Variants in GSK3B observed in about 807,000 individuals in gnomAD.
GSK3B encodes glycogen synthase kinase 3 beta, also known as glycogen synthase kinase-3 beta.
GSK3B carries 15 observed loss-of-function variants against 56.4 expected under a neutral mutation model. The observed-to-expected ratio is 0.27, with a 90% CI of 0.18 to 0.41. The LOEUF is 0.41. Among genes scored for constraint, GSK3B ranks in the 10% least tolerant of loss-of-function variants. The pLI is 1.00. For missense variants in GSK3B, 300 were observed against 513.4 expected (o/e 0.58, Z 4.02); for synonymous variants, 181 against 188.9 (o/e 0.96, Z 0.34).
At position 119,962,390 on chromosome 3, in the gene GSK3B, AC is replaced by A. The variant is rs1330384929; in HGVS notation, c.283-15040del. 4.7e-3 allele frequency among the ~76,000 whole-genome samples: 641 copies of A among 137,762 alleles called. 2 individuals are homozygous for A. The highest frequency in any genetic ancestry group is 0.013 in the African/African-American group (467 of 36,582). The allele number at this position is 137,762 out of a possible 152,430, so 90.4% of individuals were successfully genotyped here. A position where few individuals can be genotyped will look rare whatever the true frequency, so the allele number is the denominator to read the frequency against. On this transcript the variant is annotated intron_variant, in intron 2 of 10. Coordinates refer to ENST00000264235, the MANE Select transcript of GSK3B (RefSeq NM_001146156.2). ...AACTCTGTCTCAAAAAAAAAAAAAA[AC>A]AAAAACAAAAAAACAAAAAAAGCCT...
intron 1 of GSK3B, among the ~76,000 whole-genome samples, chr3:120,022,541 C>T (rs2057888475): frequency 6.6e-6 from 1 of 152,102 alleles, no homozygotes; most frequent in Non-Finnish European, 1.5e-5. Flanking sequence ...TTGCTTAACA[C>T]CTCCCAATCC....
chr3:119,902,460 G>C (rs2056634485), intron 7 of GSK3B, among the ~76,000 whole-genome samples: 1 of 152,080 alleles, frequency 6.6e-6, no homozygotes, highest in South Asian at 2.1e-4. Flanking sequence ...GAGTGCAGTG[G>C]TACTTGGCTT....
chr3:119,831,386 G>T (rs947453244), intron 10 of GSK3B, among the ~76,000 whole-genome samples: 1 of 152,070 alleles, frequency 6.6e-6, no homozygotes, highest in Non-Finnish European at 1.5e-5. Context: ...GGCCGGGCGC[G>T]GTGGCTCATG....
At chr3:119,842,950 C>G (rs1306568738) in intron 10 of GSK3B, among the ~76,000 whole-genome samples, 1 of 151,538 alleles carries the variant, frequency 6.6e-6, no homozygotes, top group East Asian at 1.9e-4. Flanking sequence ...GAGTCTTGCT[C>G]TGTTGCCCAG....
rs1160252679 is a variant in GSK3B, at chr3:119,928,612, T to TAA, written c.367-5131_367-5130dup. Among the ~76,000 whole-genome samples, 344 of 67,014 alleles carry TAA rather than the reference T, an allele frequency of 5.1e-3. 3 individuals are homozygous for TAA. The highest frequency in any genetic ancestry group is 7.7e-3 in the Non-Finnish European group (255 of 32,910). The allele number at this position is 67,014 out of a possible 152,430, so 44.0% of individuals were successfully genotyped here. On this transcript the variant is annotated intron_variant, in intron 3 of 10. Coordinates refer to ENST00000264235, the MANE Select transcript of GSK3B (RefSeq NM_001146156.2). ...AGAGCGAGACTCCATATCAAAAAAA[T>TAA]AAAAAAAAAAAAAAAAAAAAAAAGA...
At chr3:120,004,606 C>T (rs1257618609) in intron 1 of GSK3B, among the ~76,000 whole-genome samples, 3 of 152,158 alleles carry the variant, frequency 2.0e-5, no homozygotes, top group Non-Finnish European at 2.9e-5. Context: ...GTTCTGCAGC[C>T]TCCTCTGGTG....
chr3:119,882,687 C>T (rs2056392993), intron 7 of GSK3B, among the ~76,000 whole-genome samples: 1 of 152,108 alleles, frequency 6.6e-6, no homozygotes, highest in Non-Finnish European at 1.5e-5. Flanking sequence ...AAAATCTTTA[C>T]CACAATGGGA....
At chr3:120,004,320 T>G (rs1353414684) in intron 1 of GSK3B, among the ~76,000 whole-genome samples, 1 of 152,150 alleles carries the variant, frequency 6.6e-6, no homozygotes, top group East Asian at 1.9e-4. Flanking sequence ...CTCTCTAGAT[T>G]CCACCTCTGG....
intron 3 of GSK3B, among the ~76,000 whole-genome samples, chr3:119,930,342 C>T (rs1051033379): frequency 4.0e-5 from 6 of 151,756 alleles, no homozygotes; most frequent in Admixed American, 1.3e-4. Context: ...AATTGTGTAA[C>T]GCAATAAGGG....
chr3:120,073,696 C>T (rs1465894767), intron 1 of GSK3B, among the ~76,000 whole-genome samples: 1 of 152,124 alleles, frequency 6.6e-6, no homozygotes, highest in Non-Finnish European at 1.5e-5. Flanking sequence ...TTATAAAGGC[C>T]ATACAGTGGA....
intron 2 of GSK3B, among the ~76,000 whole-genome samples, chr3:119,971,601 ATTTTTTTT>A (rs751790636): frequency 0.02 from 1,649 of 83,826 alleles, 22 homozygotes; most frequent in African/African-American, 0.084. Flanking sequence ...ATTTGCAATA[ATTTTTTTT>A]TTTTTTTTTT....
At chr3:119,969,075 T>A (rs1332647883) in intron 2 of GSK3B, among the ~76,000 whole-genome samples, 1 of 152,036 alleles carries the variant, frequency 6.6e-6, no homozygotes, top group African/African-American at 2.4e-5. Flanking sequence ...GTGGATCACC[T>A]GAGGTCAGGA....
At chr3:119,898,955 A>C (rs532259649) in intron 7 of GSK3B, among the ~76,000 whole-genome samples, 1 of 152,276 alleles carries the variant, frequency 6.6e-6, no homozygotes, top group African/African-American at 2.4e-5. Flanking sequence ...GTGAGATGAT[A>C]AAATGCCTAT....
chr3:120,010,691 GCCT>G, intron 1 of GSK3B, among the ~76,000 whole-genome samples: 1 of 152,274 alleles, frequency 6.6e-6, no homozygotes, highest in African/African-American at 2.4e-5. Context: ...GGTGGCACAT[GCCT>G]GTAAGTGAGC....
intron 3 of GSK3B, among the ~76,000 whole-genome samples, chr3:119,945,015 T>A (rs771433523): frequency 1.6e-4 from 25 of 152,148 alleles, no homozygotes; most frequent in Admixed American, 2.6e-4. Context: ...AAAGAATCCA[T>A]CTTCTCCTAT....
At chr3:119,869,381 C>T (rs929098223) in intron 8 of GSK3B, among the ~76,000 whole-genome samples, 3 of 152,138 alleles carry the variant, frequency 2.0e-5, no homozygotes, top group Admixed American at 6.5e-5. Context: ...CTTTCAGAGT[C>T]CTCCTCCCAA....
intron 3 of GSK3B, among the ~76,000 whole-genome samples, chr3:119,945,699 G>A (rs2057093546): frequency 1.3e-5 from 2 of 152,130 alleles, no homozygotes; most frequent in Admixed American, 1.3e-4. Context: ...TTAAAACAGT[G>A]CCTAGCATAT....
At chr3:119,843,733 T>C (rs936302367) in intron 9 of GSK3B, 1 of 156,144 alleles carries the variant, frequency 6.4e-6, no homozygotes, top group Admixed American at 6.5e-5. Flanking sequence ...TGGGAGACTT[T>C]AACACCACAT....
intron 1 of GSK3B, among the ~76,000 whole-genome samples, chr3:120,076,683 G>C (rs2058369551): frequency 6.6e-6 from 1 of 151,210 alleles, no homozygotes; most frequent in Non-Finnish European, 1.5e-5. Flanking sequence ...GCATGGTGGC[G>C]CACGCCTGTA....
Sources: gnomAD v4.1 joint callset for allele counts (sites outside exome capture counted in the v4.1 genomes callset) on GRCh38, gnomAD v4.1.1 for gene constraint, MANE v1.5 for transcripts, NCBI Gene and HGNC (gene_info 2026-07-23, HGNC 2026-07-21) for gene names.